The following GRIN2B variants were observed in gnomAD, a reference collection of about 807,000 sequenced individuals.
The protein encoded by GRIN2B is glutamate ionotropic receptor NMDA type subunit 2B, also known as glutamate receptor ionotropic, NMDA 2B.
In GRIN2B, 5 loss-of-function variants were observed where a neutral mutation model predicts 114.5. That is an observed-to-expected ratio of 0.04 (90% CI 0.02 to 0.09). The LOEUF (loss-of-function observed/expected upper bound fraction) is 0.09, where lower values mean the gene tolerates loss of function less well. Ranked by LOEUF, GRIN2B falls within the 10% of genes least tolerant of loss-of-function variation. GRIN2B has a pLI of 1.00. For synonymous variants in GRIN2B, 787 were observed against 745.1 expected, an observed-to-expected ratio of 1.06 and a Z score of -0.92; for missense variants, 1,108 against 1,943.5, an observed-to-expected ratio of 0.57 and a Z score of 8.08.
At chr12:13,954,427 C>T (rs1867549202) in intron 2 of GRIN2B, among the ~76,000 whole-genome samples, 1 of 152,146 alleles carries the variant, frequency 6.6e-6, no homozygotes, top group Non-Finnish European at 1.5e-5. Flanking sequence ...CTTCTACCTC[C>T]TCAGCTTTAG....
chr12:13,676,001 T>C (rs1042923475), intron 4 of GRIN2B, 142 bp from the exon 5 acceptor site: 12 of 661,552 alleles, frequency 1.8e-5, no homozygotes, highest in Non-Finnish European at 3.3e-5. Flanking sequence ...TTGGTACTTC[T>C]TGAACTCGCA....
intron 3 of GRIN2B, among the ~76,000 whole-genome samples, chr12:13,837,321 C>T (rs1350521700): frequency 2.6e-5 from 4 of 152,228 alleles, no homozygotes; most frequent in Non-Finnish European, 5.9e-5. Context: ...CCACTTCACA[C>T]ATGCATGTCC....
rs1565479747 is a variant in GRIN2B, at chr12:13,620,530, C to A, written c.1126-3873G>T. Among the ~76,000 whole-genome samples the A allele has an allele frequency of 2.6e-5, 4 of 152,318 alleles. No homozygotes were observed. In the East Asian group the frequency reaches 7.7e-4, roughly 29 times the overall value. On this transcript the variant is annotated intron_variant, in intron 5 of 13. Transcript: ENST00000609686. ...CACTGCCCAGAACCCAATCATTCAT[C>A]ATTTCATGGTATCTACCACCTTCTT... is the stretch of plus-strand genomic sequence containing the variant.
intron 2 of GRIN2B, among the ~76,000 whole-genome samples, chr12:13,963,011 C>CT (rs1376659386): frequency 6.6e-6 from 1 of 152,218 alleles, no homozygotes; most frequent in Non-Finnish European, 1.5e-5. Flanking sequence ...TTTTCTCATC[C>CT]TTCCTCTTCC....
At chr12:13,746,518 G>T (rs980856328) in intron 4 of GRIN2B, among the ~76,000 whole-genome samples, 1 of 152,028 alleles carries the variant, frequency 6.6e-6, no homozygotes, top group Non-Finnish European at 1.5e-5. Context: ...GCACAGATGT[G>T]CATTCTCCAC....
In GRIN2B at chr12:13,545,394, T is replaced by G. The variant is rs1192067490; in HGVS notation, c.*17389A>C. 1.3e-5 allele frequency: 2 copies of G among 152,198 alleles called. No individual in the cohort carries two copies. 9.4% of individuals were successfully genotyped at this position (152,198 alleles called of 1,614,324 possible). ...AAACTTCAAGAGGGTATGGACTTTG[T>G]GTGGTTCGTTCTTATATTCCAGCAC... On this transcript the variant is annotated 3_prime_UTR_variant, in exon 14 of 14. Transcript: ENST00000609686.
chr12:13,921,242 C>A (rs563149147), intron 2 of GRIN2B, among the ~76,000 whole-genome samples: 2 of 152,112 alleles, frequency 1.3e-5, no homozygotes, highest in Middle Eastern at 3.4e-3. Flanking sequence ...ACTAAAAATA[C>A]AACACATTAG....
At chr12:13,942,509 A>T (rs910353956) in intron 2 of GRIN2B, among the ~76,000 whole-genome samples, 2 of 152,216 alleles carry the variant, frequency 1.3e-5, no homozygotes, top group African/African-American at 4.8e-5. Flanking sequence ...ATTCATTTGG[A>T]AATAATTATT....
At chr12:13,709,663 C>T (rs1330056596) in intron 4 of GRIN2B, among the ~76,000 whole-genome samples, 2 of 151,968 alleles carry the variant, frequency 1.3e-5, no homozygotes, top group African/African-American at 4.8e-5. Context: ...ACCAGATCCA[C>T]GGGTCACTAC....
In GRIN2B at chr12:13,557,618, A is replaced by AT. The variant is rs1239878710; in HGVS notation, c.*5164dup. 1 of 152,216 alleles carries AT rather than the reference A, an allele frequency of 6.6e-6. No homozygotes were observed. Among genetic ancestry groups the AT allele is most frequent in the Non-Finnish European group, 1.5e-5 (1 of 68,040 alleles). 9.4% of individuals were successfully genotyped at this position (152,216 alleles called of 1,614,324 possible). A position where few individuals can be genotyped will look rare whatever the true frequency, so the allele number is the denominator to read the frequency against. On this transcript the variant is annotated 3_prime_UTR_variant, in exon 14 of 14. Transcript: ENST00000609686. ...AATTCATAAATTATACACTCATATG[A>AT]TTGTGTATTGAAAATAATTCCTAAC...
chr12:13,853,739 G>A lies in GRIN2B; in HGVS notation c.411+12059C>T, dbSNP rs1565563191. 3.3e-5 allele frequency among the ~76,000 whole-genome samples: 5 copies of A among 152,350 alleles called. No individual in the cohort carries two copies. The South Asian group carries it at 8.3e-4, about 25-fold the overall frequency. ...GATAGAGCTAGCAGCCCAGAGAGAC[G>A]TAGGAATGTATCTGCCAGTAACCAC... On this transcript the variant is annotated intron_variant, in intron 3 of 13. Coordinates refer to ENST00000609686, the MANE Select transcript of GRIN2B (RefSeq NM_000834.5).
intron 4 of GRIN2B, among the ~76,000 whole-genome samples, chr12:13,739,412 G>GAAAAAAA (rs1565519594): frequency 7.5e-6 from 1 of 133,890 alleles, no homozygotes; most frequent in Non-Finnish European, 1.5e-5. Context: ...AGAAGAAAAG[G>GAAAAAAA]AAAAAAAAAG....
chr12:13,734,558 G>C (rs1221863811), intron 4 of GRIN2B, among the ~76,000 whole-genome samples: 1 of 152,044 alleles, frequency 6.6e-6, no homozygotes, highest in African/African-American at 2.4e-5. Flanking sequence ...ATAATAATCA[G>C]GTTTTGTACT....
Position 13,555,226 on chromosome 12 carries a change from G to C in GRIN2B, c.*7557C>G, listed in dbSNP as rs1248546584. On this transcript the variant is annotated 3_prime_UTR_variant, in exon 14 of 14. Transcript: ENST00000609686. ...AAACCAGAATGTATTGCCTCCCAATGGTAATTGTCAATGAGGTTGAAGAGC... is the reference window on the plus strand; with the variant it reads ...AAACCAGAATGTATTGCCTCCCAATCGTAATTGTCAATGAGGTTGAAGAGC... 6.6e-6 allele frequency: 1 copy of C among 152,112 alleles called. No individual in the cohort carries two copies. The highest frequency in any genetic ancestry group is 2.4e-5 in the African/African-American group (1 of 41,410). 9.4% of individuals were successfully genotyped at this position (152,112 alleles called of 1,614,324 possible).
chr12:13,587,286 C>CAGGGAA (rs1440137275), intron 10 of GRIN2B, among the ~76,000 whole-genome samples: 38 of 151,624 alleles, frequency 2.5e-4, no homozygotes, highest in African/African-American at 9.2e-4. Context: ...AAGCATCTTC[C>CAGGGAA]TCTCTGAGTC....
chr12:13,674,404 T>C (rs960675552), intron 5 of GRIN2B, among the ~76,000 whole-genome samples: 1 of 152,112 alleles, frequency 6.6e-6, no homozygotes, highest in Non-Finnish European at 1.5e-5. Context: ...TTAAGCCTTA[T>C]AATTGTGCCC....
At chr12:13,915,175 T>C (rs1183149719) in intron 2 of GRIN2B, among the ~76,000 whole-genome samples, 8 of 152,236 alleles carry the variant, frequency 5.3e-5, no homozygotes, top group South Asian at 2.1e-4. Flanking sequence ...CCCCAAAATA[T>C]GTACATCTAT....
At chr12:13,715,560 T>C (rs1950447662) in intron 4 of GRIN2B, among the ~76,000 whole-genome samples, 1 of 151,832 alleles carries the variant, frequency 6.6e-6, no homozygotes. Context: ...AATGGATAAA[T>C]ATACAAAAGA....
intron 4 of GRIN2B, among the ~76,000 whole-genome samples, chr12:13,702,305 T>C (rs1950320311): frequency 6.6e-6 from 1 of 152,220 alleles, no homozygotes; most frequent in South Asian, 2.1e-4. Context: ...TCAAGGTATT[T>C]AATTTTTATT....
Sources: gnomAD v4.1 joint callset for allele counts (sites outside exome capture counted in the v4.1 genomes callset) on GRCh38, gnomAD v4.1.1 for gene constraint, MANE v1.5 for transcripts, NCBI Gene and HGNC (gene_info 2026-07-23, HGNC 2026-07-21) for gene names.